Variants in CSMD3 observed in about 807,000 individuals in gnomAD.
CSMD3 encodes CUB and sushi domain-containing protein 3.
Under a neutral mutation model 435.2 loss-of-function variants are expected in CSMD3, and 177 were observed. The observed-to-expected ratio is 0.41, with a 90% CI of 0.36 to 0.46. The LOEUF is 0.46. Ranked by LOEUF, CSMD3 falls within the 20% of genes least tolerant of loss-of-function variation. The pLI is 0.34. For synonymous variants in CSMD3, 1,656 were observed against 1,520.5 expected, an observed-to-expected ratio of 1.09 and a Z score of -2.07; for missense variants, 4,265 against 4,504.6, an observed-to-expected ratio of 0.95 and a Z score of 1.52.
intron 27 of CSMD3, among the ~76,000 whole-genome samples, chr8:112,519,629 C>T (rs553757267): frequency 6.6e-6 from 1 of 152,098 alleles, no homozygotes; most frequent in African/African-American, 2.4e-5. Context: ...GCTAATAATG[C>T]TAATATGTAA....
intron 16 of CSMD3, among the ~76,000 whole-genome samples, chr8:112,681,674 T>G (rs1259398814): frequency 6.6e-6 from 1 of 151,980 alleles, no homozygotes; most frequent in East Asian, 1.9e-4. Context: ...GAGACCAGCC[T>G]GGCCAACATG....
chr8:112,922,500 C>T (rs2082775650), intron 9 of CSMD3, among the ~76,000 whole-genome samples: 1 of 151,826 alleles, frequency 6.6e-6, no homozygotes, highest in Non-Finnish European at 1.5e-5. Flanking sequence ...AACCATACCC[C>T]TCTCCCTCCT....
chr8:112,528,597 T>C (rs1397144046), intron 27 of CSMD3, among the ~76,000 whole-genome samples: 38 of 152,086 alleles, frequency 2.5e-4, no homozygotes, highest in Non-Finnish European at 5.9e-5. Context: ...AAGTAGAAAG[T>C]CCTGTACACT....
chr8:112,238,793 C>T (rs1357354792), intron 66 of CSMD3, among the ~76,000 whole-genome samples: 2 of 151,036 alleles, frequency 1.3e-5, no homozygotes, highest in Non-Finnish European at 3.0e-5. Context: ...TAATTTTTTG[C>T]ACTTTAATCT....
chr8:112,728,745 T>C (rs2077016972), intron 13 of CSMD3, among the ~76,000 whole-genome samples: 2 of 152,062 alleles, frequency 1.3e-5, no homozygotes, highest in African/African-American at 4.8e-5. Context: ...CACGTGCACA[T>C]TAATAAATTT....
chr8:112,335,221 A>G, intron 45 of CSMD3, 108 bp downstream of exon 45: 1 of 1,133,980 alleles, frequency 8.8e-7, no homozygotes, highest in Non-Finnish European at 1.3e-6. Context: ...TAAAATTTCT[A>G]AATTTTAATA....
At chr8:113,051,197 C>T (rs1320758168) in intron 5 of CSMD3, among the ~76,000 whole-genome samples, 1 of 152,106 alleles carries the variant, frequency 6.6e-6, no homozygotes, top group Admixed American at 6.5e-5. Context: ...AAAAAATACG[C>T]TGTTGGTTAC....
chr8:113,060,565 A>G (rs980600340), intron 5 of CSMD3, among the ~76,000 whole-genome samples: 1 of 152,198 alleles, frequency 6.6e-6, no homozygotes, highest in Non-Finnish European at 1.5e-5. Context: ...AGACACAAAT[A>G]TAGTAATACT....
chr8:113,117,602 G>A (rs921561268), intron 4 of CSMD3, among the ~76,000 whole-genome samples: 2 of 152,194 alleles, frequency 1.3e-5, no homozygotes, highest in Non-Finnish European at 2.9e-5. Context: ...ACTCCAGAAT[G>A]GCAGATTCAC....
intron 11 of CSMD3, among the ~76,000 whole-genome samples, chr8:112,846,631 A>G (rs1337384987): frequency 2.0e-5 from 3 of 151,830 alleles, no homozygotes; most frequent in Admixed American, 6.6e-5. Flanking sequence ...GATGGTCTCA[A>G]ATTCCTGGCC....
At chr8:112,544,697 T>C (rs1826995515) in intron 27 of CSMD3, among the ~76,000 whole-genome samples, 1 of 152,194 alleles carries the variant, frequency 6.6e-6, no homozygotes, top group Non-Finnish European at 1.5e-5. Flanking sequence ...CTTTTTGGTT[T>C]CGTTTCAATT....
intron 5 of CSMD3, among the ~76,000 whole-genome samples, chr8:113,036,593 T>A (rs2087362260): frequency 6.6e-6 from 1 of 152,068 alleles, no homozygotes; most frequent in African/African-American, 2.4e-5. Context: ...AGGATGTGGC[T>A]GCTAAATCTA....
At chr8:112,726,335 T>A (rs982612614) in intron 13 of CSMD3, among the ~76,000 whole-genome samples, 1 of 151,886 alleles carries the variant, frequency 6.6e-6, no homozygotes, top group Non-Finnish European at 1.5e-5. Context: ...ACTTGCTTGT[T>A]GTTTAGGTAG....
intron 5 of CSMD3, among the ~76,000 whole-genome samples, chr8:113,034,189 A>G (rs150676372): frequency 4.0e-5 from 6 of 151,696 alleles, no homozygotes; most frequent in Non-Finnish European, 8.8e-5. Context: ...ATTGCAATTC[A>G]ATGTGAATTA....
chr8:112,724,044 C>A (rs897403662), intron 13 of CSMD3, among the ~76,000 whole-genome samples: 7 of 151,460 alleles, frequency 4.6e-5, no homozygotes, highest in Admixed American at 4.0e-4. Flanking sequence ...ATTAAACAGA[C>A]ATAATAAAAT....
intron 5 of CSMD3, among the ~76,000 whole-genome samples, chr8:113,040,878 C>G (rs1400068233): frequency 6.6e-6 from 1 of 152,070 alleles, no homozygotes; most frequent in African/African-American, 2.4e-5. Context: ...ATTCCCCCCA[C>G]ACACCAAGGT....
chr8:112,342,203 T>G (rs140530487), intron 41 of CSMD3, among the ~76,000 whole-genome samples: 1 of 152,140 alleles, frequency 6.6e-6, no homozygotes, highest in Non-Finnish European at 1.5e-5. Flanking sequence ...GCTCTTTCAG[T>G]GTTTTGCTTA....
At chr8:113,277,115 G>GT (rs1311040397) in intron 3 of CSMD3, among the ~76,000 whole-genome samples, 1 of 151,830 alleles carries the variant, frequency 6.6e-6, no homozygotes, top group African/African-American at 2.4e-5. Context: ...CAGAATACAG[G>GT]TTTTTTATTA....
chr8:112,290,740 A>G lies in CSMD3; in HGVS notation c.8974+770T>C, dbSNP rs141326238. Among the ~76,000 whole-genome samples the G allele has an allele frequency of 1.4e-3, 215 of 152,116 alleles. 1 individual carries two copies. Among genetic ancestry groups the G allele is most frequent in the Admixed American group, 4.6e-3 (70 of 15,244 alleles). On this transcript the variant is annotated intron_variant, in intron 56 of 70. Transcript: ENST00000297405. ...AAAATGAACGATTTCTTCACACGCT[A>G]TTCATTCAGTCTATGAAATTGTTCT...
Sources: allele counts gnomAD v4.1 joint callset (sites outside exome capture counted in the v4.1 genomes callset), GRCh38; gene constraint gnomAD v4.1.1; transcripts MANE v1.5; gene names NCBI Gene and HGNC (gene_info 2026-07-23, HGNC 2026-07-21).